PCDHGB5: variants seen among roughly 807,000 people sequenced by gnomAD.
The protein encoded by PCDHGB5 is protocadherin gamma subfamily B, 5, also known as protocadherin gamma-B5.
PCDHGB5 carries 48 observed loss-of-function variants against 62.9 expected under a neutral mutation model. The ratio of observed to expected loss-of-function variants is 0.76; its 90% CI spans 0.61 to 0.97. The LOEUF (loss-of-function observed/expected upper bound fraction) is 0.97, where lower values mean the gene tolerates loss of function less well. Among genes scored for constraint, PCDHGB5 ranks in the 50% least tolerant of loss-of-function variants. PCDHGB5 has a pLI of 0.00. For synonymous variants in PCDHGB5, 474 were observed against 511.2 expected, an observed-to-expected ratio of 0.93 and a Z score of 0.98; for missense variants, 1,118 against 1,198.6, an observed-to-expected ratio of 0.93 and a Z score of 0.99.
intron 1 of PCDHGB5, chr5:141,409,177 T>C: frequency 3.1e-6 from 5 of 1,613,944 alleles, no homozygotes; most frequent in Non-Finnish European, 4.2e-6. Context: ...AGGACGGAGG[T>C]GGTCTCTCTA....
In PCDHGB5 at chr5:141,485,216, G is replaced by C. The variant is rs757059807; in HGVS notation, c.2398-9591G>C. On this transcript the variant is annotated intron_variant, in intron 1 of 3. Transcript: ENST00000617380. The surrounding 1 kb of genome is among the most constrained non-coding windows in gnomAD (Gnocchi z 5.7). ...AAGCTGGACAGAAATCTGGCGGTGG[G>C]CTACCCTTTTGTTCCTCTTTTACCA... 2.5e-6 allele frequency: 4 copies of C among 1,614,144 alleles called. No homozygotes were observed. In the South Asian group the frequency reaches 4.4e-5, roughly 18 times the overall value.
intron 1 of PCDHGB5, chr5:141,417,924 T>C (rs1197566429): frequency 1.9e-6 from 3 of 1,609,340 alleles, no homozygotes; most frequent in Admixed American, 1.7e-5. Flanking sequence ...CCTTTGCTGC[T>C]GCCTTTGTTC....
intron 1 of PCDHGB5, among the ~76,000 whole-genome samples, chr5:141,450,375 A>G (rs1338336573): frequency 1.3e-5 from 2 of 152,166 alleles, no homozygotes; most frequent in Non-Finnish European, 2.9e-5. Context: ...GTTTGTTTAT[A>G]TGAAACTGAC....
At position 141,399,919 on chromosome 5, in the gene PCDHGB5, G is replaced by A; in HGVS notation, c.1792G>A (p.Ala598Thr). 6.2e-7 allele frequency: 1 copy of A among 1,612,300 alleles called. No homozygotes were observed. Among genetic ancestry groups the A allele is most frequent in the Non-Finnish European group, 8.5e-7 (1 of 1,179,726 alleles). ...CGTGGACGCAGACTCAGGACACAAC[G>A]CCTGGCTGTCCTACCACGTGCTGCA... ...VAVDADSGHN[A>T]WLSYHVLQAS... Residue 598 changes from alanine (A) to threonine (T), a missense_variant, in exon 1 of 4, where the codon GCC (alanine) becomes ACC (threonine). By Grantham distance (58) the Ala-to-Thr change is moderately conservative (BLOSUM62 0). Coordinates refer to ENST00000617380, the MANE Select transcript of PCDHGB5 (RefSeq NM_018925.3).
At chr5:141,413,189 G>C in intron 1 of PCDHGB5, 7 of 1,606,972 alleles carry the variant, frequency 4.4e-6, no homozygotes, top group Non-Finnish European at 6.0e-6. Context: ...GCCGCTCAAA[G>C]GAATCGCTCA....
rs1311776295 is a variant in PCDHGB5, at chr5:141,487,582, C to G, written c.2398-7225C>G. 1.2e-6 allele frequency: 2 copies of G among 1,614,088 alleles called. No homozygotes were observed. The highest frequency in any genetic ancestry group is 2.7e-5 in the African/African-American group (2 of 74,934). ...TGGCAGGGGAGCCTGTTCGCCCAAG[C>G]TGCCCACCCTCTGATCTTCTCTATG... is the stretch of plus-strand genomic sequence containing the variant. On this transcript the variant is annotated intron_variant, in intron 1 of 3. Transcript: ENST00000617380. The surrounding 1 kb of genome is among the most constrained non-coding windows in gnomAD (Gnocchi z 5.0).
Position 141,399,813 on chromosome 5 carries a change from G to A in PCDHGB5, c.1686G>A (p.Ala562=), listed in dbSNP as rs985564503. ...ACGCACCGCGGGTGCTGTACCCCGC[G>A]CTGGGTCCCGACGGCTCTGCGCTCT... ...NDNAPRVLYP[A]LGPDGSALFD... The change falls in exon 1 of 4, where the codon GCG becomes GCA. Residue 562 remains alanine (A), a synonymous_variant. Transcript: ENST00000617380. The A allele has an allele frequency of 6.2e-7, 1 of 1,613,198 alleles. No homozygotes were observed. The highest frequency in any genetic ancestry group is 8.5e-7 in the Non-Finnish European group (1 of 1,179,762).
chr5:141,423,594 C>A, intron 1 of PCDHGB5: 1 of 1,599,308 alleles, frequency 6.3e-7, no homozygotes, highest in South Asian at 1.1e-5. Context: ...GTGAGAAAAG[C>A]GAGCCACTCT....
At chr5:141,403,509 A>G in intron 1 of PCDHGB5, 1 of 1,614,002 alleles carries the variant, frequency 6.2e-7, no homozygotes, top group Non-Finnish European at 8.5e-7. Context: ...CAGACTGGAG[A>G]CAATGGAGCC....
chr5:141,414,348 G>A (rs1390188717), intron 1 of PCDHGB5: 1 of 1,613,818 alleles, frequency 6.2e-7, no homozygotes, highest in South Asian at 1.1e-5. Flanking sequence ...GTTCCATTTT[G>A]GCGTATCTAC....
rs751145850 is a variant in PCDHGB5 at position 141,432,148 on chromosome 5, G to A, written c.2397+31624G>A. The A allele has an allele frequency of 6.1e-5, 99 of 1,613,884 alleles. No individual in the cohort carries two copies. The Admixed American group carries it at 1.5e-3, about 24-fold the overall frequency. On this transcript the variant is annotated intron_variant, in intron 1 of 3. Transcript: ENST00000617380. The surrounding 1 kb of genome is among the most constrained non-coding windows in gnomAD (Gnocchi z 6.0). ...CCTCCTATTCCGCTTATATCCCAGA[G>A]AACAATCCCAGAGGAGTTTCCCTCG...
In PCDHGB5 at chr5:141,510,932, CCT is replaced by C. The variant is rs753455267; in HGVS notation, c.2546-12_2546-11del. 6 of 1,613,998 alleles carry C rather than the reference CCT, an allele frequency of 3.7e-6. No homozygotes were observed. The highest frequency in any genetic ancestry group is 1.1e-5 in the South Asian group (1 of 91,082). ...CTAAGTTTAGCTCCCACCTGATCTTCCTCTGTCTCTGCAGAAGCTGCTGATGG... is the reference window on the plus strand; with the variant it reads ...CTAAGTTTAGCTCCCACCTGATCTTCCTGTCTCTGCAGAAGCTGCTGATGG... On this transcript the variant is annotated splice_polypyrimidine_tract_variant and intron_variant, in intron 3 of 3. Coordinates refer to ENST00000617380, the MANE Select transcript of PCDHGB5 (RefSeq NM_018925.3).
In PCDHGB5 at chr5:141,399,067, G is replaced by A. The variant is rs774399021; in HGVS notation, c.940G>A (p.Val314Ile). Residue 314 changes from valine to isoleucine, a missense_variant, in exon 1 of 4, where the codon GTT (valine) becomes ATT (isoleucine). Coordinates refer to ENST00000617380, the MANE Select transcript of PCDHGB5 (RefSeq NM_018925.3). ...TGAAGAGACCAAGGAATATTCAATG[G>A]TTGTAGAAGGGAGGGATGGTGGTGG... ...DFEETKEYSM[V>I]VEGRDGGGLV... 4.3e-6 allele frequency: 7 copies of A among 1,613,834 alleles called. No individual in the cohort carries two copies. Among genetic ancestry groups the A allele is most frequent in the African/African-American group, 1.3e-5 (1 of 75,052 alleles).
At chr5:141,495,480 C>A (rs2099761689) in intron 2 of PCDHGB5, among the ~76,000 whole-genome samples, 1 of 152,208 alleles carries the variant, frequency 6.6e-6, no homozygotes, top group African/African-American at 2.4e-5. Flanking sequence ...CGTGTCTCTG[C>A]CCCTTTTTCT....
At chr5:141,457,554 G>A (rs2098924282) in intron 1 of PCDHGB5, among the ~76,000 whole-genome samples, 1 of 152,166 alleles carries the variant, frequency 6.6e-6, no homozygotes, top group Admixed American at 6.5e-5. Flanking sequence ...TGTATGATAA[G>A]CTTTGGAGCA....
chr5:141,446,230 G>A (rs548647406), intron 1 of PCDHGB5, among the ~76,000 whole-genome samples: 22 of 152,208 alleles, frequency 1.4e-4, no homozygotes, highest in African/African-American at 4.6e-4. Context: ...GTGTTGCCTG[G>A]CAAGTGGTAG....
At chr5:141,457,719 G>T (rs1437841051) in intron 1 of PCDHGB5, among the ~76,000 whole-genome samples, 1 of 152,226 alleles carries the variant, frequency 6.6e-6, no homozygotes, top group Non-Finnish European at 1.5e-5. Context: ...GTTCCACAAG[G>T]AATTTCAGAT....
intron 1 of PCDHGB5, among the ~76,000 whole-genome samples, chr5:141,436,809 A>T (rs2097847373): frequency 6.6e-6 from 1 of 152,242 alleles, no homozygotes; most frequent in Non-Finnish European, 1.5e-5. Context: ...TTTTTGTGAC[A>T]GCTGGTTTAA....
chr5:141,444,902 G>A (rs1442325957), intron 1 of PCDHGB5, among the ~76,000 whole-genome samples: 1 of 152,160 alleles, frequency 6.6e-6, no homozygotes, highest in Non-Finnish European at 1.5e-5. Context: ...GGATGGCATT[G>A]CATCTATACC....
Sources: gnomAD v4.1 joint callset for allele counts (sites outside exome capture counted in the v4.1 genomes callset) on GRCh38, gnomAD v4.1.1 for gene constraint, Gnocchi (gnomAD v3.1) non-coding constraint, MANE v1.5 for transcripts, NCBI Gene and HGNC (gene_info 2026-07-23, HGNC 2026-07-21) for gene names.